The following CFAP43 variants were observed in gnomAD, a reference collection of about 807,000 sequenced individuals.
The protein encoded by CFAP43 is cilia and flagella associated protein 43.
A neutral mutation model predicts 218.9 loss-of-function variants in CFAP43; 155 were observed. That is an observed-to-expected ratio of 0.71 (90% CI 0.62 to 0.81). The LOEUF (loss-of-function observed/expected upper bound fraction) is 0.81, where lower values mean the gene tolerates loss of function less well. CFAP43 is among the 30% of genes least tolerant of loss of function. The pLI is 0.00. For missense variants in CFAP43, 1,778 were observed against 1,954.3 expected, an observed-to-expected ratio of 0.91 and a Z score of 1.70; for synonymous variants, 645 against 681.3, an observed-to-expected ratio of 0.95 and a Z score of 0.83.
Position 104,212,113 on chromosome 10 carries a change from G to GT in CFAP43, c.628dup (p.Thr210AsnfsTer40). 8 of 1,613,622 alleles carry GT rather than the reference G, an allele frequency of 5.0e-6. No individual in the cohort carries two copies. Among genetic ancestry groups the GT allele is most frequent in the Non-Finnish European group, 6.8e-6 (8 of 1,179,800 alleles). Reference sequence around the variant, plus strand: ...CAACGACTGGGGGAAAACGACATCCGTTTCATTAAAAAATGACCCATCTTC... The same window carrying GT: ...CAACGACTGGGGGAAAACGACATCCGTTTTCATTAAAAAATGACCCATCTTC... On this transcript the variant is annotated frameshift_variant, in exon 5 of 38. Transcript: ENST00000357060. LOFTEE classifies it high-confidence loss of function.
intron 36 of CFAP43, among the ~76,000 whole-genome samples, chr10:104,131,800 TA>T (rs1213787517): frequency 2.0e-5 from 3 of 152,202 alleles, no homozygotes; most frequent in Non-Finnish European, 4.4e-5. Flanking sequence ...GATGATTAAA[TA>T]AAACCTTTCC....
At chr10:104,169,039 C>T (rs2089298427) in intron 20 of CFAP43, among the ~76,000 whole-genome samples, 191 bp from the exon 21 acceptor site, 1 of 152,168 alleles carries the variant, frequency 6.6e-6, no homozygotes, top group Non-Finnish European at 1.5e-5. Context: ...TTGAGAACGT[C>T]TCCTGAAGTT....
In CFAP43 at chr10:104,207,654, C is replaced by T. The variant is rs1309379345; in HGVS notation, c.895+11G>A. 2 of 1,608,578 alleles carry T rather than the reference C, an allele frequency of 1.2e-6. No individual in the cohort carries two copies. Among genetic ancestry groups the T allele is most frequent in the Admixed American group, 1.7e-5 (1 of 59,106 alleles). ...GGCTATACAGGAATATGAAGTAGGA[C>T]AGTTTCTTACCCAATGGCGATTCCT... On this transcript the variant is annotated intron_variant, in intron 6 of 37. Transcript: ENST00000357060.
rs775992974 is a variant in CFAP43 at position 104,185,982 on chromosome 10, A to C, written c.2002T>G (p.Tyr668Asp). The C allele has an allele frequency of 1.2e-6, 2 of 1,611,842 alleles. No individual in the cohort carries two copies. The highest frequency in any genetic ancestry group is 2.2e-5 in the South Asian group (2 of 90,484). Reference sequence around the variant, plus strand: ...TTAAGAAAGCAGCTTACCAAAGTATAAACGTCTCGGATACACAGAATTCCA... The same window carrying C: ...TTAAGAAAGCAGCTTACCAAAGTATCAACGTCTCGGATACACAGAATTCCA... Reference protein sequence around the residue: ...KCGILCIRDVYTLETFAWCRS... With the variant: ...KCGILCIRDVDTLETFAWCRS... The change falls in exon 15 of 38, where the codon TAT becomes GAT. Residue 668 changes from tyrosine to aspartate, a missense_variant. Coordinates refer to ENST00000357060, the MANE Select transcript of CFAP43 (RefSeq NM_025145.7).
At chr10:104,193,510 G>C (rs2090291823) in intron 11 of CFAP43, 1 of 172,746 alleles carries the variant, frequency 5.8e-6, no homozygotes, top group South Asian at 1.6e-4. Context: ...GAGACAACAA[G>C]AGTGTTTACC....
At chr10:104,187,104 T>A (rs1282104718) in intron 14 of CFAP43, among the ~76,000 whole-genome samples, 1 of 152,232 alleles carries the variant, frequency 6.6e-6, no homozygotes, top group East Asian at 1.9e-4. Context: ...ACAAAGATGA[T>A]GTATGTGGCA....
Position 104,178,742 on chromosome 10 carries a change from T to A in CFAP43, c.2460+287A>T, listed in dbSNP as rs114486040. On this transcript the variant is annotated intron_variant, in intron 19 of 37. Transcript: ENST00000357060. ...CTGCTTAAAAAATATTATTTTTAAC[T>A]ACACAACTCAGTATTATTTAATCTG... Among the ~76,000 whole-genome samples the A allele has an allele frequency of 6.5e-3, 984 of 152,326 alleles. 13 individuals carry two copies. Among genetic ancestry groups the A allele is most frequent in the African/African-American group, 0.023 (965 of 41,570 alleles).
Position 104,187,364 on chromosome 10 carries a change from A to G in CFAP43, c.1816T>C (p.Cys606Arg), listed in dbSNP as rs1424045356. Residue 606 changes from cysteine (C) to arginine (R), a missense_variant, in exon 14 of 38, where the codon TGT becomes CGT. Physicochemically the swap from Cys to Arg is radical, Grantham distance 180. Coordinates refer to ENST00000357060, the MANE Select transcript of CFAP43 (RefSeq NM_025145.7). ...GFQSNQIYGFCSQVPYICSYL... is the reference protein window; with the variant it reads ...GFQSNQIYGFRSQVPYICSYL... ...CTACAGATGTATGGCACTTGACTAC[A>G]GAAGCCATATATTTGGTTACTTTGA... 6.2e-7 allele frequency: 1 copy of G among 1,611,600 alleles called. No individual in the cohort carries two copies. The highest frequency in any genetic ancestry group is 1.1e-5 in the South Asian group (1 of 90,450).
chr10:104,150,430 G>A (rs1564725248), intron 28 of CFAP43, among the ~76,000 whole-genome samples: 1 of 152,162 alleles, frequency 6.6e-6, no homozygotes, highest in Admixed American at 6.5e-5. Flanking sequence ...TCTAGAGATG[G>A]TACTGGCCTC....
intron 5 of CFAP43, among the ~76,000 whole-genome samples, chr10:104,208,037 T>G (rs908630623): frequency 6.6e-6 from 1 of 151,952 alleles, no homozygotes; most frequent in African/African-American, 2.4e-5. Flanking sequence ...TAGCCTTAGA[T>G]AGTTAGAAAA....
rs554048706 is a variant in CFAP43 at position 104,205,226 on chromosome 10, A to G, written c.963+737T>C. Among the ~76,000 whole-genome samples the G allele has an allele frequency of 4.0e-5, 6 of 151,344 alleles. No individual in the cohort carries two copies. In the South Asian group the frequency reaches 8.3e-4, roughly 21 times the overall value. The stretch of plus-strand genomic sequence containing the variant: ...AGACTCCGTCTCAAAAAAAAAAAAA[A>G]AAAAAAAAAGAAAAGAAAAGAAAAA... On this transcript the variant is annotated intron_variant, in intron 7 of 37. Coordinates refer to ENST00000357060, the MANE Select transcript of CFAP43 (RefSeq NM_025145.7).
intron 33 of CFAP43, 39 bp downstream of exon 33, chr10:104,142,242 A>C (rs1238535572): frequency 6.4e-7 from 1 of 1,565,970 alleles, no homozygotes; most frequent in Non-Finnish European, 8.8e-7. Flanking sequence ...CCCTAATTAG[A>C]CTTTGAATAG....
At chr10:104,204,654 C>A (rs1450055509) in intron 7 of CFAP43, among the ~76,000 whole-genome samples, 1 of 152,100 alleles carries the variant, frequency 6.6e-6, no homozygotes, top group African/African-American at 2.4e-5. Flanking sequence ...GGCACAAATG[C>A]TGACTAAATG....
intron 30 of CFAP43, among the ~76,000 whole-genome samples, 176 bp from the exon 31 acceptor site, chr10:104,145,740 T>C (rs1262545940): frequency 6.6e-6 from 1 of 152,242 alleles, no homozygotes; most frequent in Non-Finnish European, 1.5e-5. Flanking sequence ...CAAAGATTTG[T>C]TTTGATAAGA....
At chr10:104,199,915 C>T (rs1003203894) in intron 8 of CFAP43, among the ~76,000 whole-genome samples, 3 of 152,206 alleles carry the variant, frequency 2.0e-5, no homozygotes, top group African/African-American at 7.2e-5. Flanking sequence ...GAATTCTCAA[C>T]AGGACCCACT....
chr10:104,136,138 C>T (rs1238698859), intron 34 of CFAP43, among the ~76,000 whole-genome samples: 1 of 151,046 alleles, frequency 6.6e-6, no homozygotes, highest in Non-Finnish European at 1.5e-5. Context: ...TAAATCCCAG[C>T]TACTCAGGAG....
intron 12 of CFAP43, among the ~76,000 whole-genome samples, chr10:104,190,702 TC>T: frequency 6.6e-6 from 1 of 152,286 alleles, no homozygotes; most frequent in South Asian, 2.1e-4. Context: ...AATTTTGGAG[TC>T]ATCACTTATC....
intron 21 of CFAP43, 139 bp from the exon 22 acceptor site, chr10:104,167,876 T>C: frequency 1.8e-6 from 1 of 562,358 alleles, no homozygotes; most frequent in South Asian, 2.8e-5. Context: ...AATGGAAACC[T>C]TTTTAAAAAT....
intron 24 of CFAP43, among the ~76,000 whole-genome samples, chr10:104,163,437 C>T (rs529738750): frequency 7.9e-5 from 12 of 152,286 alleles, no homozygotes; most frequent in Admixed American, 7.8e-4. Context: ...AAAGGTCTTT[C>T]TTTGAGTATT....
Sources: allele counts gnomAD v4.1 joint callset (sites outside exome capture counted in the v4.1 genomes callset), GRCh38; gene constraint gnomAD v4.1.1; transcripts MANE v1.5; gene names NCBI Gene and HGNC (gene_info 2026-07-23, HGNC 2026-07-21).